Variants in TTC29 observed in about 807,000 individuals in gnomAD.
The protein encoded by TTC29 is tetratricopeptide repeat protein 29.
Under a neutral mutation model 58.1 loss-of-function variants are expected in TTC29, and 49 were observed. That is an observed-to-expected ratio of 0.84 (90% CI 0.67 to 1.07). TTC29 has a LOEUF of 1.07. Among genes scored for constraint, TTC29 ranks in the 50% least tolerant of loss-of-function variants. The pLI is 0.00. For synonymous variants in TTC29, 209 were observed against 196.8 expected (o/e 1.06, Z -0.52); for missense variants, 582 against 555.6 (o/e 1.05, Z -0.48).
chr4:146,740,287 T>A (rs1325112555), intron 11 of TTC29, among the ~76,000 whole-genome samples: 1 of 152,158 alleles, frequency 6.6e-6, no homozygotes, highest in East Asian at 1.9e-4. Flanking sequence ...CGTCCTTGTG[T>A]GTAGCAGCTA....
chr4:146,775,889 A>G (rs6843487), intron 11 of TTC29, among the ~76,000 whole-genome samples: 297 of 152,336 alleles, frequency 1.9e-3, no homozygotes, highest in African/African-American at 6.4e-3. Flanking sequence ...TGGGATGCCA[A>G]TAAATCATAG....
At chr4:146,867,430 T>G in intron 8 of TTC29, 68 bp downstream of exon 8, 1 of 775,744 alleles carries the variant, frequency 1.3e-6, no homozygotes, top group Non-Finnish European at 1.9e-6. Context: ...TGTAATAACA[T>G]ATAGGAAAAT....
chr4:146,739,167 T>C (rs1405622705), intron 11 of TTC29, among the ~76,000 whole-genome samples: 1 of 152,216 alleles, frequency 6.6e-6, no homozygotes, highest in Non-Finnish European at 1.5e-5. Flanking sequence ...ATAAACTGTC[T>C]ATTATAGGAT....
chr4:146,782,034 T>A (rs1460577493), intron 11 of TTC29, among the ~76,000 whole-genome samples: 1 of 151,800 alleles, frequency 6.6e-6, no homozygotes, highest in Non-Finnish European at 1.5e-5. Context: ...AAAAAAAGAA[T>A]ACCAGCTATA....
chr4:146,778,031 G>GTCAA (rs1437197272), intron 11 of TTC29, among the ~76,000 whole-genome samples: 1 of 152,180 alleles, frequency 6.6e-6, no homozygotes, highest in Non-Finnish European at 1.5e-5. Context: ...CAATGGAGAT[G>GTCAA]TCAAGTGTTG....
chr4:146,922,446 T>G (rs1734657350), intron 4 of TTC29, among the ~76,000 whole-genome samples: 1 of 149,100 alleles, frequency 6.7e-6, no homozygotes, highest in South Asian at 2.1e-4. Flanking sequence ...CAAAAACAGA[T>G]AGTCACTAAA....
chr4:146,825,037 T>G (rs1727679320), intron 9 of TTC29, among the ~76,000 whole-genome samples: 1 of 152,036 alleles, frequency 6.6e-6, no homozygotes, highest in African/African-American at 2.4e-5. Context: ...TTTTATTAAT[T>G]TTTTCATAAA....
chr4:146,895,793 A>C (rs1316569847), intron 6 of TTC29, among the ~76,000 whole-genome samples: 2 of 152,184 alleles, frequency 1.3e-5, no homozygotes, highest in African/African-American at 4.8e-5. Context: ...ATTATCCCTC[A>C]ATAAACCCCA....
intron 11 of TTC29, among the ~76,000 whole-genome samples, chr4:146,778,976 C>CA (rs369374851): frequency 0.012 from 349 of 28,500 alleles, 12 homozygotes; most frequent in African/African-American, 0.027. Context: ...CCTAAATAAG[C>CA]AAAAAAAAAA....
intron 8 of TTC29, among the ~76,000 whole-genome samples, chr4:146,839,882 G>A (rs1383852889): frequency 2.6e-5 from 4 of 151,874 alleles, no homozygotes; most frequent in Non-Finnish European, 4.4e-5. Flanking sequence ...AGAAAAAAAG[G>A]AGTTGACTGA....
intron 4 of TTC29, among the ~76,000 whole-genome samples, chr4:146,926,446 G>A (rs1239859336): frequency 1.3e-5 from 2 of 152,038 alleles, no homozygotes; most frequent in East Asian, 3.9e-4. Context: ...TAATCTGACA[G>A]CTGTGTAATA....
At chr4:146,849,702 C>T (rs1341089329) in intron 8 of TTC29, among the ~76,000 whole-genome samples, 1 of 152,114 alleles carries the variant, frequency 6.6e-6, no homozygotes, top group Non-Finnish European at 1.5e-5. Flanking sequence ...TGAAAATGAC[C>T]TCCAAGGTCA....
intron 6 of TTC29, among the ~76,000 whole-genome samples, chr4:146,888,908 T>C (rs1732168201): frequency 6.6e-6 from 1 of 152,132 alleles, no homozygotes. Context: ...TCTACGATGA[T>C]TAAATAACTC....
At chr4:146,790,825 T>C (rs919490700) in intron 11 of TTC29, among the ~76,000 whole-genome samples, 1 of 152,182 alleles carries the variant, frequency 6.6e-6, no homozygotes. Context: ...GGGTTCTGTA[T>C]TGTAAAGCTT....
chr4:146,806,046 C>G (rs185705328), intron 10 of TTC29, among the ~76,000 whole-genome samples: 145 of 152,274 alleles, frequency 9.5e-4, no homozygotes, highest in African/African-American at 3.3e-3. Flanking sequence ...TCTGGAGAAA[C>G]CCTACAAGCC....
At chr4:146,805,027 C>T (rs1750503805) in intron 10 of TTC29, among the ~76,000 whole-genome samples, 1 of 152,144 alleles carries the variant, frequency 6.6e-6, no homozygotes, top group South Asian at 2.1e-4. Flanking sequence ...GACGAAGCTT[C>T]CAGAGGAAGG....
intron 7 of TTC29, among the ~76,000 whole-genome samples, chr4:146,868,172 T>C (rs1236088646): frequency 6.6e-6 from 1 of 152,088 alleles, no homozygotes; most frequent in Non-Finnish European, 1.5e-5. Context: ...AATTGAACAA[T>C]GAGAACACAT....
chr4:146,832,314 C>G (rs1728217065), intron 9 of TTC29, among the ~76,000 whole-genome samples: 1 of 152,128 alleles, frequency 6.6e-6, no homozygotes, highest in African/African-American at 2.4e-5. Flanking sequence ...ATTCAACCAC[C>G]TGTGTCTTCT....
chr4:146,885,348 A>G (rs560359400), intron 6 of TTC29, among the ~76,000 whole-genome samples: 1 of 152,250 alleles, frequency 6.6e-6, no homozygotes, highest in African/African-American at 2.4e-5. Flanking sequence ...AATCTTAAGT[A>G]TTGCTGACAA....
Sources: gnomAD v4.1 joint callset for allele counts (sites outside exome capture counted in the v4.1 genomes callset) on GRCh38, gnomAD v4.1.1 for gene constraint, MANE v1.5 for transcripts, NCBI Gene and HGNC (gene_info 2026-07-23, HGNC 2026-07-21) for gene names.